Variants in CTNNA2 observed in about 807,000 individuals in gnomAD.
CTNNA2 encodes the protein catenin alpha 2, also known as catenin alpha-2.
In CTNNA2, 42 loss-of-function variants were observed where a neutral mutation model predicts 101.0. That is an observed-to-expected ratio of 0.42 (90% confidence interval 0.32 to 0.54). CTNNA2 has a LOEUF of 0.54. CTNNA2 is among the 20% of genes least tolerant of loss of function. The pLI, the probability that CTNNA2 is intolerant of heterozygous loss-of-function variation, is 0.14. For missense variants in CTNNA2, 871 were observed against 1,223.1 expected (o/e 0.71, Z 4.29); for synonymous variants, 450 against 456.4 (o/e 0.99, Z 0.18).
At chr2:80,500,251 A>G (rs1687776728) in intron 9 of CTNNA2, among the ~76,000 whole-genome samples, 1 of 152,214 alleles carries the variant, frequency 6.6e-6, no homozygotes, top group African/African-American at 2.4e-5. Flanking sequence ...AATGCAGAAT[A>G]AAAGTTTACT....
intron 6 of CTNNA2, among the ~76,000 whole-genome samples, chr2:79,902,847 G>A (rs898030276): frequency 2.6e-5 from 4 of 151,870 alleles, no homozygotes; most frequent in Admixed American, 1.3e-4. Flanking sequence ...GGCTGGTCTC[G>A]CACTCCTGAC....
At chr2:79,693,499 A>G (rs1684457562) in intron 2 of CTNNA2, among the ~76,000 whole-genome samples, 1 of 151,966 alleles carries the variant, frequency 6.6e-6, no homozygotes, top group Middle Eastern at 3.2e-3. Context: ...AGCATCAGTG[A>G]ATACAGTATG....
intron 7 of CTNNA2, among the ~76,000 whole-genome samples, chr2:79,931,277 T>C (rs1464817006): frequency 1.3e-5 from 2 of 152,190 alleles, no homozygotes; most frequent in African/African-American, 4.8e-5. Context: ...ATTATATTTA[T>C]CTATGAATAT....
chr2:79,199,277 T>C (rs1674002136), intron 2 of CTNNA2, among the ~76,000 whole-genome samples: 1 of 152,184 alleles, frequency 6.6e-6, no homozygotes, highest in Non-Finnish European at 1.5e-5. Context: ...TCTCTACTAA[T>C]AGAATCTTTG....
At chr2:79,838,962 T>G (rs1371402231) in intron 3 of CTNNA2, among the ~76,000 whole-genome samples, 2 of 152,094 alleles carry the variant, frequency 1.3e-5, no homozygotes, top group African/African-American at 4.8e-5. Flanking sequence ...TATTACTACT[T>G]AATACCACTT....
At chr2:79,288,664 G>T (rs1378461986) in intron 2 of CTNNA2, among the ~76,000 whole-genome samples, 3 of 152,020 alleles carry the variant, frequency 2.0e-5, no homozygotes, top group Non-Finnish European at 4.4e-5. Context: ...TACCATGGTG[G>T]CTTTGGAGTT....
intron 1 of CTNNA2, among the ~76,000 whole-genome samples, chr2:79,549,200 A>G (rs1455787748): frequency 1.3e-5 from 2 of 152,192 alleles, no homozygotes; most frequent in Non-Finnish European, 2.9e-5. Context: ...GGGATTGGAA[A>G]CTTGGTTTGG....
intron 2 of CTNNA2, among the ~76,000 whole-genome samples, chr2:79,664,775 G>A (rs1252339665): frequency 1.5e-5 from 2 of 136,672 alleles, no homozygotes; most frequent in South Asian, 2.3e-4. Flanking sequence ...GCAGTGGCGC[G>A]ATCTCGGCTC....
At chr2:79,301,724 A>G (rs967691819) in intron 2 of CTNNA2, among the ~76,000 whole-genome samples, 1 of 152,106 alleles carries the variant, frequency 6.6e-6, no homozygotes, top group African/African-American at 2.4e-5. Flanking sequence ...TCCCAATAGG[A>G]GACTATGAGA....
intron 7 of CTNNA2, among the ~76,000 whole-genome samples, chr2:80,185,023 A>C (rs917607658): frequency 6.6e-6 from 1 of 152,206 alleles, no homozygotes; most frequent in Non-Finnish European, 1.5e-5. Context: ...CAATGGTTTA[A>C]AACAACAGGG....
chr2:79,739,855 A>G (rs1671166704), intron 2 of CTNNA2, among the ~76,000 whole-genome samples: 1 of 152,212 alleles, frequency 6.6e-6, no homozygotes. Flanking sequence ...TGACTGCACT[A>G]TTCATTAGAA....
At chr2:79,991,638 A>G (rs1692188359) in intron 7 of CTNNA2, among the ~76,000 whole-genome samples, 1 of 152,226 alleles carries the variant, frequency 6.6e-6, no homozygotes, top group Non-Finnish European at 1.5e-5. Context: ...GTTTGTACTC[A>G]TCTTAATTTC....
In CTNNA2 at chr2:79,857,975, C is replaced by T. The variant is rs761769244; in HGVS notation, c.299-38C>T. 4 of 1,593,498 alleles carry T rather than the reference C, an allele frequency of 2.5e-6. No individual in the cohort carries two copies. In the East Asian group the frequency reaches 6.8e-5, roughly 27 times the overall value. On this transcript the variant is annotated intron_variant, in intron 3 of 18. Coordinates refer to ENST00000402739, the MANE Select transcript of CTNNA2 (RefSeq NM_001282597.3). Reference sequence around the variant, plus strand: ...TTTAGGATGGCCAGTCTCTAAGCCTCTTGTCTACCCACCTGCCTCTCCGTG... The same window carrying T: ...TTTAGGATGGCCAGTCTCTAAGCCTTTTGTCTACCCACCTGCCTCTCCGTG...
At chr2:79,922,969 T>C (rs1327562912) in intron 7 of CTNNA2, among the ~76,000 whole-genome samples, 1 of 152,132 alleles carries the variant, frequency 6.6e-6, no homozygotes, top group African/African-American at 2.4e-5. Flanking sequence ...ATCTTTTCCC[T>C]AATGTGTATA....
chr2:80,038,894 T>C (rs1695848685), intron 7 of CTNNA2, among the ~76,000 whole-genome samples: 1 of 152,140 alleles, frequency 6.6e-6, no homozygotes, highest in Admixed American at 6.5e-5. Flanking sequence ...GTGAATTCTG[T>C]ATCACTTTAT....
chr2:80,351,782 C>T (rs552190185), intron 7 of CTNNA2, among the ~76,000 whole-genome samples: 1 of 152,230 alleles, frequency 6.6e-6, no homozygotes, highest in African/African-American at 2.4e-5. Context: ...GTACTTTAGT[C>T]TACCAGTTTG....
intron 1 of CTNNA2, among the ~76,000 whole-genome samples, chr2:79,643,727 T>G (rs1680608841): frequency 6.6e-6 from 1 of 152,116 alleles, no homozygotes. Flanking sequence ...GGGCTGTGTC[T>G]TACTGGAGGC....
At chr2:79,235,857 C>T (rs1178995399) in intron 2 of CTNNA2, among the ~76,000 whole-genome samples, 1 of 152,186 alleles carries the variant, frequency 6.6e-6, no homozygotes, top group African/African-American at 2.4e-5. Context: ...GTGTGACCCA[C>T]CTGGCTATCA....
At chr2:79,698,085 G>A (rs1003063360) in intron 2 of CTNNA2, among the ~76,000 whole-genome samples, 2 of 151,930 alleles carry the variant, frequency 1.3e-5, no homozygotes, top group Admixed American at 6.6e-5. Flanking sequence ...TGGTGGCTGC[G>A]CTTGCTGTTG....
Sources: gnomAD v4.1 joint callset for allele counts (sites outside exome capture counted in the v4.1 genomes callset) on GRCh38, gnomAD v4.1.1 for gene constraint, MANE v1.5 for transcripts, NCBI Gene and HGNC (gene_info 2026-07-23, HGNC 2026-07-21) for gene names.